Variants in GLIS3 observed in about 807,000 individuals in gnomAD.
GLIS3 encodes zinc finger protein GLIS3.
A neutral mutation model predicts 78.6 loss-of-function variants in GLIS3; 53 were observed. That is an observed-to-expected ratio of 0.67 (90% CI 0.54 to 0.85). GLIS3 has a LOEUF of 0.85. Among genes scored for constraint, GLIS3 ranks in the 40% least tolerant of loss-of-function variants. The pLI is 0.00. For missense variants in GLIS3, 1,703 were observed against 1,231.1 expected, an observed-to-expected ratio of 1.38 and a Z score of -5.74; for synonymous variants, 684 against 509.9, an observed-to-expected ratio of 1.34 and a Z score of -4.60.
the GLIS3 span, among the ~76,000 whole-genome samples, chr9:4,454,170 A>G: frequency 4.2e-5 from 6 of 142,138 alleles, no homozygotes; most frequent in Non-Finnish European, 9.3e-5. Flanking sequence ...AAAAAAAAAA[A>G]GAAGAAAGAA....
intron 4 of GLIS3, among the ~76,000 whole-genome samples, chr9:3,980,543 G>A (rs967637639): frequency 6.6e-6 from 1 of 152,172 alleles, no homozygotes; most frequent in Non-Finnish European, 1.5e-5. Context: ...ACCTTGCTGT[G>A]TGTTTAGACA....
intron 4 of GLIS3, among the ~76,000 whole-genome samples, chr9:4,089,628 C>T (rs1829322584): frequency 2.0e-5 from 3 of 152,046 alleles, no homozygotes; most frequent in South Asian, 4.1e-4. Flanking sequence ...GAGTTTGAAA[C>T]CAGCCTGGGC....
intron 2 of GLIS3, among the ~76,000 whole-genome samples, chr9:4,252,319 T>C (rs1187792982): frequency 1.3e-5 from 2 of 152,144 alleles, no homozygotes; most frequent in Non-Finnish European, 2.9e-5. Flanking sequence ...CATTCTTTTT[T>C]TCTGTAAATT....
intron 6 of GLIS3, among the ~76,000 whole-genome samples, chr9:3,918,557 C>A (rs549884501): frequency 2.6e-5 from 4 of 152,140 alleles, no homozygotes; most frequent in African/African-American, 9.7e-5. Context: ...AATGATGATA[C>A]TCTGGCTATC....
chr9:4,000,120 T>C (rs1821029928), intron 4 of GLIS3, among the ~76,000 whole-genome samples: 1 of 152,140 alleles, frequency 6.6e-6, no homozygotes, highest in Non-Finnish European at 1.5e-5. Flanking sequence ...TTTGGTATAA[T>C]TACTTGACAA....
At chr9:4,397,473 G>A in the GLIS3 span, among the ~76,000 whole-genome samples, 3 of 151,636 alleles carry the variant, frequency 2.0e-5, no homozygotes, top group Non-Finnish European at 4.4e-5. Flanking sequence ...AATAGTAGGT[G>A]GGATGTGTCC....
At chr9:4,363,667 C>T in the GLIS3 span, among the ~76,000 whole-genome samples, 4 of 152,200 alleles carry the variant, frequency 2.6e-5, no homozygotes, top group East Asian at 1.9e-4. Flanking sequence ...CTCTCCACCT[C>T]TATCAATTTT....
chr9:4,486,714 G>C, the GLIS3 span, among the ~76,000 whole-genome samples: 1 of 152,140 alleles, frequency 6.6e-6, no homozygotes, highest in East Asian at 1.9e-4. Context: ...AATGGGTGAT[G>C]TAAGGCCTCT....
chr9:4,091,134 G>C (rs13289465), intron 4 of GLIS3, among the ~76,000 whole-genome samples: 41,590 of 152,038 alleles, frequency 0.27, 6,401 homozygotes, highest in East Asian at 0.47. Flanking sequence ...GTGGGAAGAT[G>C]GCTTGAGTCC....
chr9:3,877,311 G>C (rs1375156480), intron 8 of GLIS3, among the ~76,000 whole-genome samples: 1 of 152,214 alleles, frequency 6.6e-6, no homozygotes, highest in Non-Finnish European at 1.5e-5. Flanking sequence ...TTTTCTGTCT[G>C]CAACGTCTGT....
At chr9:3,997,550 C>A (rs1003599411) in intron 4 of GLIS3, among the ~76,000 whole-genome samples, 1 of 151,888 alleles carries the variant, frequency 6.6e-6, no homozygotes, top group African/African-American at 2.4e-5. Context: ...CAAATTAACT[C>A]ATTCAATATA....
At chr9:4,104,103 AT>A (rs1830578364) in intron 4 of GLIS3, among the ~76,000 whole-genome samples, 1 of 152,124 alleles carries the variant, frequency 6.6e-6, no homozygotes, top group Admixed American at 6.6e-5. Context: ...CAGTCTCATA[AT>A]TTTAGATGTT....
chr9:4,162,584 G>T (rs985960852), intron 2 of GLIS3, among the ~76,000 whole-genome samples: 2 of 152,232 alleles, frequency 1.3e-5, no homozygotes, highest in African/African-American at 4.8e-5. Context: ...CACTGGCCGG[G>T]TGCGGTGGCT....
the GLIS3 span, among the ~76,000 whole-genome samples, chr9:4,367,633 C>CAAA: frequency 8.3e-3 from 511 of 61,580 alleles, 35 homozygotes; most frequent in Middle Eastern, 0.032. Flanking sequence ...GACTCCATCT[C>CAAA]AAAAAAAAAA....
intron 2 of GLIS3, among the ~76,000 whole-genome samples, chr9:4,200,243 A>T (rs1461906272): frequency 6.6e-6 from 1 of 152,206 alleles, no homozygotes; most frequent in African/African-American, 2.4e-5. Context: ...AACCTAGAGG[A>T]ACTAGAGAAA....
intron 2 of GLIS3, among the ~76,000 whole-genome samples, chr9:4,246,350 A>T (rs572550657): frequency 6.6e-6 from 1 of 152,370 alleles, no homozygotes; most frequent in Non-Finnish European, 1.5e-5. Context: ...ATATGAAGTT[A>T]GTCACTGCCC....
Position 4,065,063 on chromosome 9 carries a change from A to G in GLIS3, c.1710+52705T>C, listed in dbSNP as rs150521010. On this transcript the variant is annotated intron_variant, in intron 4 of 10. Transcript: ENST00000381971. ...GGATTCTAGAAACTACAAAAGGCCAATGACTTTAGTCCCATTCCCAGTCAA... is the reference window on the plus strand; with the variant it reads ...GGATTCTAGAAACTACAAAAGGCCAGTGACTTTAGTCCCATTCCCAGTCAA... Among the ~76,000 whole-genome samples the G allele has an allele frequency of 3.3e-5, 5 of 152,326 alleles. No individual in the cohort carries two copies. The East Asian group carries it at 5.8e-4, about 18-fold the overall frequency.
intron 2 of GLIS3, among the ~76,000 whole-genome samples, chr9:4,324,609 G>C (rs1199137872): frequency 6.6e-6 from 1 of 152,114 alleles, no homozygotes; most frequent in African/African-American, 2.4e-5. Flanking sequence ...AGCAGATTTA[G>C]ATTCTGAAAT....
chr9:4,301,689 T>C (rs557009023), upstream of GLIS3, among the ~76,000 whole-genome samples: 17 of 152,296 alleles, frequency 1.1e-4, no homozygotes, highest in African/African-American at 4.1e-4. Context: ...TTAAATACAA[T>C]GGTTTTGATG....
Sources: allele counts gnomAD v4.1 joint callset (sites outside exome capture counted in the v4.1 genomes callset), GRCh38; gene constraint gnomAD v4.1.1; transcripts MANE v1.5; gene names NCBI Gene and HGNC (gene_info 2026-07-23, HGNC 2026-07-21).